Variants in ATP8B4 observed in about 807,000 individuals in gnomAD.
ATP8B4 encodes the protein ATPase phospholipid transporting 8B4 (putative).
Under a neutral mutation model 145.6 loss-of-function variants are expected in ATP8B4, and 133 were observed. That is an observed-to-expected ratio of 0.91 (90% confidence interval 0.79 to 1.05). The LOEUF (loss-of-function observed/expected upper bound fraction) is 1.05, where lower values mean the gene tolerates loss of function less well. Among genes scored for constraint, ATP8B4 ranks in the 50% least tolerant of loss-of-function variants. The pLI, the probability that ATP8B4 is intolerant of heterozygous loss-of-function variation, is 0.00. For synonymous variants in ATP8B4, 507 were observed against 492.9 expected, an observed-to-expected ratio of 1.03 and a Z score of -0.38; for missense variants, 1,458 against 1,425.2, an observed-to-expected ratio of 1.02 and a Z score of -0.37.
intron 14 of ATP8B4, among the ~76,000 whole-genome samples, chr15:49,943,878 A>T (rs2042357954): frequency 6.6e-6 from 1 of 152,240 alleles, no homozygotes; most frequent in Non-Finnish European, 1.5e-5. Flanking sequence ...ATAAAAGCTG[A>T]CAGACCAAAC....
chr15:49,863,838 C>T (rs917562852), intron 26 of ATP8B4, among the ~76,000 whole-genome samples: 1 of 152,126 alleles, frequency 6.6e-6, no homozygotes, highest in Admixed American at 6.5e-5. Flanking sequence ...CCTGAAACCC[C>T]AATGTTGATC....
intron 6 of ATP8B4, among the ~76,000 whole-genome samples, chr15:50,030,169 G>T (rs1401002001): frequency 6.6e-6 from 1 of 151,744 alleles, no homozygotes; most frequent in South Asian, 2.1e-4. Context: ...CAAGGCCTTT[G>T]TGGTTGAGGT....
intron 23 of ATP8B4, among the ~76,000 whole-genome samples, chr15:49,887,548 T>C (rs2036339864): frequency 6.6e-6 from 1 of 152,106 alleles, no homozygotes; most frequent in Admixed American, 6.6e-5. Flanking sequence ...ATGGCACCTC[T>C]GCCTCCAAAA....
chr15:49,964,018 A>C (rs1376109008), intron 13 of ATP8B4, among the ~76,000 whole-genome samples: 1 of 152,218 alleles, frequency 6.6e-6, no homozygotes, highest in Non-Finnish European at 1.5e-5. Context: ...TGGATAAGGG[A>C]ACCAAAGAAT....
intron 3 of ATP8B4, among the ~76,000 whole-genome samples, chr15:50,071,802 T>C (rs1000623554): frequency 2.0e-5 from 3 of 152,144 alleles, no homozygotes; most frequent in African/African-American, 7.2e-5. Flanking sequence ...CTGAGAGGGA[T>C]TTCTTGTCTC....
chr15:50,084,921 C>T (rs537723684), intron 2 of ATP8B4, among the ~76,000 whole-genome samples: 2 of 152,308 alleles, frequency 1.3e-5, no homozygotes, highest in Admixed American at 1.3e-4. Flanking sequence ...CCCTCAAGAT[C>T]CCTTCACTTA....
intron 16 of ATP8B4, among the ~76,000 whole-genome samples, chr15:49,929,151 G>C (rs2041016573): frequency 1.3e-5 from 2 of 152,098 alleles, no homozygotes; most frequent in Non-Finnish European, 2.9e-5. Context: ...AAAAAAGTGA[G>C]TGAGCTATAA....
intron 23 of ATP8B4, chr15:49,883,611 C>T (rs1598897969): frequency 6.6e-6 from 1 of 152,014 alleles, no homozygotes; most frequent in East Asian, 1.9e-4. Flanking sequence ...TTGATAGTTC[C>T]CAGTTTATAC....
intron 1 of ATP8B4, among the ~76,000 whole-genome samples, chr15:50,140,533 A>G (rs1047489792): frequency 6.6e-6 from 1 of 152,242 alleles, no homozygotes; most frequent in African/African-American, 2.4e-5. Flanking sequence ...AGCATTTAGG[A>G]AGGATTAAGA....
upstream of ATP8B4, among the ~76,000 whole-genome samples, chr15:50,123,284 A>G (rs2057285283): frequency 6.6e-6 from 1 of 152,184 alleles, no homozygotes; most frequent in Non-Finnish European, 1.5e-5. Context: ...TAACTTTGGG[A>G]AAAATTTAGT....
At chr15:49,943,791 G>T (rs991822841) in intron 14 of ATP8B4, among the ~76,000 whole-genome samples, 1 of 152,174 alleles carries the variant, frequency 6.6e-6, no homozygotes, top group Non-Finnish European at 1.5e-5. Context: ...AAAGTCATTG[G>T]TAAAGGTAAA....
At chr15:49,870,439 A>C in intron 25 of ATP8B4, among the ~76,000 whole-genome samples, 1 of 152,320 alleles carries the variant, frequency 6.6e-6, no homozygotes, top group Middle Eastern at 3.4e-3. Context: ...AGAGCATTTT[A>C]TAATTCAAAT....
chr15:49,917,624 C>T (rs1467802136), intron 19 of ATP8B4, among the ~76,000 whole-genome samples: 4 of 152,102 alleles, frequency 2.6e-5, no homozygotes, highest in Non-Finnish European at 5.9e-5. Flanking sequence ...TCCTAGAGAA[C>T]TGGAGAATCA....
intron 6 of ATP8B4, among the ~76,000 whole-genome samples, chr15:50,024,207 C>A (rs936296644): frequency 2.0e-5 from 3 of 152,216 alleles, no homozygotes; most frequent in African/African-American, 7.2e-5. Flanking sequence ...ATTTGTCCAC[C>A]CTGGACAGAC....
chr15:50,021,075 G>A (rs1178745692), intron 6 of ATP8B4, among the ~76,000 whole-genome samples: 1 of 152,054 alleles, frequency 6.6e-6, no homozygotes, highest in African/African-American at 2.4e-5. Context: ...TGTTCTATTT[G>A]TGTGTGCATG....
intron 2 of ATP8B4, among the ~76,000 whole-genome samples, chr15:50,090,989 T>C (rs117434475): frequency 2.0e-5 from 3 of 152,278 alleles, no homozygotes; most frequent in African/African-American, 4.8e-5. Flanking sequence ...CTTTTATTTA[T>C]AGAAAATATC....
intron 1 of ATP8B4, among the ~76,000 whole-genome samples, chr15:50,129,518 CT>C (rs770253810): frequency 3.8e-4 from 58 of 152,232 alleles, no homozygotes; most frequent in South Asian, 4.2e-4. Context: ...TTCTTCATGT[CT>C]TTATATGGCC....
Position 50,038,925 on chromosome 15 carries a change from C to A in ATP8B4, c.301-96G>T, listed in dbSNP as rs10163176. The A allele has an allele frequency of 1.2e-3, 1,292 of 1,074,240 alleles. 15 individuals are homozygous for A. The African/African-American group carries it at 0.018, about 15-fold the overall frequency. 66.5% of individuals were successfully genotyped at this position (1,074,240 alleles called of 1,614,324 possible). A position where few individuals can be genotyped will look rare whatever the true frequency, so the allele number is the denominator to read the frequency against. ...AATACTTTGAGTTCATCCATTTAAA[C>A]TGTGTTGTCACTGGTCTAAGATGAC... On this transcript the variant is annotated intron_variant, in intron 5 of 27. Coordinates refer to ENST00000284509, the MANE Select transcript of ATP8B4 (RefSeq NM_024837.4).
intron 1 of ATP8B4, among the ~76,000 whole-genome samples, chr15:50,118,597 G>T (rs1445534662): frequency 2.0e-5 from 3 of 152,094 alleles, no homozygotes; most frequent in Non-Finnish European, 4.4e-5. Context: ...ACACTCTCTT[G>T]CCTATAAACA....
Sources: allele counts gnomAD v4.1 joint callset (sites outside exome capture counted in the v4.1 genomes callset), GRCh38; gene constraint gnomAD v4.1.1; transcripts MANE v1.5; gene names NCBI Gene and HGNC (gene_info 2026-07-23, HGNC 2026-07-21).